Variants in ALOX12 observed in about 807,000 individuals in gnomAD.
ALOX12 encodes polyunsaturated fatty acid lipoxygenase ALOX12.
A neutral mutation model predicts 85.5 loss-of-function variants in ALOX12; 62 were observed. That is an observed-to-expected ratio of 0.73 (90% CI 0.59 to 0.90). The LOEUF (loss-of-function observed/expected upper bound fraction) is 0.90. Ranked by LOEUF, ALOX12 falls within the 40% of genes least tolerant of loss-of-function variation. ALOX12 has a pLI of 0.00. For synonymous variants in ALOX12, 299 were observed against 332.7 expected (o/e 0.90, Z 1.10); for missense variants, 751 against 856.5 (o/e 0.88, Z 1.54).
In ALOX12 at chr17:7,003,804, G is replaced by A. The variant is rs372443435; in HGVS notation, c.1162-1453G>A. 1.2e-4 allele frequency among the ~76,000 whole-genome samples: 19 copies of A among 152,134 alleles called. No individual in the cohort carries two copies. The East Asian group carries it at 2.9e-3, about 23-fold the overall frequency. On this transcript the variant is annotated intron_variant, in intron 8 of 13. Coordinates refer to ENST00000251535, the MANE Select transcript of ALOX12 (RefSeq NM_000697.3). ...TCCTCATGTGGACTTTGGCCTTTCC[G>A]TGACATTTGGCATCTTTCATGAATC...
intron 8 of ALOX12, chr17:7,002,298 C>A: frequency 2.9e-6 from 1 of 343,144 alleles, no homozygotes; most frequent in Non-Finnish European, 5.7e-6. Flanking sequence ...TCATACCTGC[C>A]CAACAGTAAG....
At chr17:7,004,217 ATTAATTTAATTTAATATTAATTTAAC>A (rs1278273673) in intron 8 of ALOX12, among the ~76,000 whole-genome samples, 1 of 116,478 alleles carries the variant, frequency 8.6e-6, no homozygotes, top group Non-Finnish European at 1.8e-5. Context: ...TTAATATTAA[ATTAATTTAATTTAATATTAATTTAAC>A]TTAATTTAAT....
intron 11 of ALOX12, 100 bp downstream of exon 11, chr17:7,006,707 C>A (rs1289186919): frequency 1.4e-6 from 2 of 1,438,836 alleles, no homozygotes; most frequent in South Asian, 1.4e-5. Flanking sequence ...CCTCTCATCA[C>A]GCCTCCCTTC....
chr17:6,996,541 T>C (rs1284755099), intron 1 of ALOX12, among the ~76,000 whole-genome samples: 2 of 148,556 alleles, frequency 1.3e-5, no homozygotes, highest in Non-Finnish European at 3.0e-5. Flanking sequence ...AGGCCAGAGG[T>C]CAGACGTGAA....
intron 1 of ALOX12, 55 bp downstream of exon 1, chr17:6,996,307 G>A (rs1908433921): frequency 4.1e-6 from 5 of 1,217,822 alleles, no homozygotes; most frequent in Admixed American, 4.3e-5. Flanking sequence ...GCCCAGGCCC[G>A]GGCCGAGCTG....
At position 7,010,427 on chromosome 17, in the gene ALOX12, C is replaced by G. The variant is rs1321358526; in HGVS notation, c.*4C>G. 6.2e-7 allele frequency: 1 copy of G among 1,609,400 alleles called. No individual in the cohort carries two copies. Among genetic ancestry groups the G allele is most frequent in the Non-Finnish European group, 8.5e-7 (1 of 1,177,862 alleles). ...AGAGAACAGTGTCACCATCTGAGCC[C>G]TAGAGTGACTCTACCTGCAAGATTT... On this transcript the variant is annotated 3_prime_UTR_variant, in exon 14 of 14. Coordinates refer to ENST00000251535, the MANE Select transcript of ALOX12 (RefSeq NM_000697.3).
At position 7,001,757 on chromosome 17, in the gene ALOX12, G is replaced by C. The variant is rs1205387015; in HGVS notation, c.1107G>C (p.Glu369Asp). The change falls in exon 8 of 14, where the codon GAG becomes GAC. Residue 369 changes from glutamate to aspartate, a missense_variant. Transcript: ENST00000251535. Reference protein sequence around the residue: ...YHLLNTHLVAEVIAVATMRCL... With the variant: ...YHLLNTHLVADVIAVATMRCL... ...TGCTGAACACTCACCTGGTGGCTGA[G>C]GTCATCGCTGTCGCCACCATGCGGT... The C allele has an allele frequency of 6.2e-7, 1 of 1,613,920 alleles. No homozygotes were observed. The highest frequency in any genetic ancestry group is 8.5e-7 in the Non-Finnish European group (1 of 1,179,970).
At chr17:7,005,120 G>A in intron 8 of ALOX12, 137 bp from the exon 9 acceptor site, 1 of 797,996 alleles carries the variant, frequency 1.3e-6, no homozygotes, top group Non-Finnish European at 2.2e-6. Flanking sequence ...ACAAGAGTGA[G>A]TGATCAGAAC....
chr17:7,007,887 A>G (rs1406525995), intron 11 of ALOX12, among the ~76,000 whole-genome samples: 2 of 152,142 alleles, frequency 1.3e-5, no homozygotes, highest in African/African-American at 2.4e-5. Flanking sequence ...TCTCAAAAAA[A>G]TAAAATAAAA....
At chr17:7,004,017 G>GT (rs1184768641) in intron 8 of ALOX12, among the ~76,000 whole-genome samples, 1 of 15,792 alleles carries the variant, frequency 6.3e-5, no homozygotes, top group Non-Finnish European at 2.7e-3. Flanking sequence ...TAAGGACCAT[G>GT]CCTTTTTTAA....
chr17:7,000,292 T>C lies in ALOX12; in HGVS notation c.808-44T>C. The C allele has an allele frequency of 6.2e-7, 1 of 1,606,532 alleles. No individual in the cohort carries two copies. On this transcript the variant is annotated intron_variant, in intron 6 of 13. Coordinates refer to ENST00000251535, the MANE Select transcript of ALOX12 (RefSeq NM_000697.3). The surrounding 1 kb of genome is among the most constrained non-coding windows in gnomAD (Gnocchi z 4.6). ...GCCCTTTGCCCCGGCCCCCTGGGGG[T>C]AGACTTTGAACTCTAAAAATGGATA...
chr17:7,009,777 A>C lies in ALOX12; in HGVS notation c.1571A>C (p.Gln524Pro). Residue 524 changes from glutamine (Q) to proline (P), a missense_variant, in exon 12 of 14, where the codon CAA (glutamine) becomes CCA (proline). Gln to Pro is a moderately conservative substitution (Grantham distance 76). Transcript: ENST00000251535. Reference sequence around the variant, plus strand: ...CCTGTCTCCTTCCAGTCCCAGAGTCAACTCTGCCATTTCCTCACCATGTGC... The same window carrying C: ...CCTGTCTCCTTCCAGTCCCAGAGTCCACTCTGCCATTTCCTCACCATGTGC... The part of the protein sequence containing the change: ...GFPVSFQSQS[Q>P]LCHFLTMCVF... 6.2e-7 allele frequency: 1 copy of C among 1,614,184 alleles called. No individual in the cohort carries two copies. Among genetic ancestry groups the C allele is most frequent in the East Asian group, 2.2e-5 (1 of 44,886 alleles).
chr17:7,000,458 G>A lies in ALOX12; in HGVS notation c.930G>A (p.Lys310=). Residue 310 remains lysine, a synonymous_variant, in exon 7 of 14, where the codon AAG becomes AAA. Transcript: ENST00000251535. This position sits in a 1 kb window ranked among gnomAD's most constrained non-coding sequence, Gnocchi z 4.6. ...LVMLKMEPNG[K]LQPMVIQIQP... is the part of the protein sequence containing the mutation. The stretch of plus-strand genomic sequence containing the variant: ...TGCTGAAGATGGAGCCCAATGGGAA[G>A]CTGCAGCCCATGGTCATCCAGGTAA... 6.2e-7 allele frequency: 1 copy of A among 1,614,010 alleles called. No individual in the cohort carries two copies.
chr17:7,002,526 G>C (rs964017826), intron 8 of ALOX12: 1 of 468,920 alleles, frequency 2.1e-6, no homozygotes, highest in Admixed American at 2.4e-5. Context: ...GGTGGTTCAC[G>C]CCTGTAATCC....
intron 2 of ALOX12, 82 bp downstream of exon 2, chr17:6,997,109 G>A: frequency 2.1e-6 from 3 of 1,462,826 alleles, no homozygotes; most frequent in Non-Finnish European, 2.7e-6. Context: ...AGGACGGTCG[G>A]AGCAGACTTA....
chr17:7,004,395 A>T (rs1479711806), intron 8 of ALOX12, among the ~76,000 whole-genome samples: 1 of 141,114 alleles, frequency 7.1e-6, no homozygotes, highest in East Asian at 2.0e-4. Context: ...ATTTAATATT[A>T]ATTAATTTAA....
chr17:7,001,304 C>T (rs1373317809), intron 7 of ALOX12: 1 of 416,866 alleles, frequency 2.4e-6, no homozygotes, highest in South Asian at 2.8e-5. Flanking sequence ...AATCTTACAC[C>T]TCCTACTTCT....
intron 8 of ALOX12, among the ~76,000 whole-genome samples, chr17:7,004,463 A>T (rs1224758869): frequency 6.9e-6 from 1 of 145,868 alleles, no homozygotes; most frequent in African/African-American, 2.5e-5. Context: ...TTTTAATATT[A>T]AATTAAAATT....
chr17:7,005,446 T>G, intron 9 of ALOX12, 103 bp downstream of exon 9: 1 of 770,130 alleles, frequency 1.3e-6, no homozygotes, highest in Non-Finnish European at 2.2e-6. Context: ...ACTCTTAACC[T>G]ATGAACCTGT....
Sources: allele counts gnomAD v4.1 joint callset (sites outside exome capture counted in the v4.1 genomes callset), GRCh38; gene constraint gnomAD v4.1.1; non-coding constraint Gnocchi (gnomAD v3.1); transcripts MANE v1.5; gene names NCBI Gene and HGNC (gene_info 2026-07-23, HGNC 2026-07-21).